Variants in RBFOX1 observed in about 807,000 individuals in gnomAD.
RBFOX1 encodes RNA binding protein fox-1 homolog 1.
In RBFOX1, 8 loss-of-function variants were observed where a neutral mutation model predicts 57.7. That is an observed-to-expected ratio of 0.14 (90% CI 0.08 to 0.25). The LOEUF is 0.25. Ranked by LOEUF, RBFOX1 falls within the 10% of genes least tolerant of loss-of-function variation. The pLI is 1.00. For synonymous variants in RBFOX1, 326 were observed against 222.4 expected (o/e 1.47, Z -4.15); for missense variants, 611 against 548.5 (o/e 1.11, Z -1.14).
At chr16:5,735,659 G>T (rs1036115605) in intron 3 of RBFOX1, among the ~76,000 whole-genome samples, 2 of 152,128 alleles carry the variant, frequency 1.3e-5, no homozygotes, top group Non-Finnish European at 2.9e-5. Flanking sequence ...CGCTTTGGGA[G>T]GCCAAAGTGG....
At position 5,412,648 on chromosome 16, in the gene RBFOX1, G is replaced by A. The variant is rs570248013; in HGVS notation, c.220-54568G>A. ...AACTCACATCGAGTCCTTATTGTGCGCTGGTTCTTGCTAAGGGCTTTGCAG... is the reference window on the plus strand; with the variant it reads ...AACTCACATCGAGTCCTTATTGTGCACTGGTTCTTGCTAAGGGCTTTGCAG... On this transcript the variant is annotated intron_variant, in intron 1 of 2. Transcript: ENST00000585867. Among the ~76,000 whole-genome samples, 8 of 152,276 alleles carry A rather than the reference G, an allele frequency of 5.3e-5. No individual in the cohort carries two copies. The East Asian group carries it at 5.8e-4, about 11-fold the overall frequency.
chr16:7,142,709 T>A (rs1392069916), intron 4 of RBFOX1, among the ~76,000 whole-genome samples: 2 of 152,324 alleles, frequency 1.3e-5, no homozygotes, highest in East Asian at 3.9e-4. Flanking sequence ...TGTCTCCCTC[T>A]CTAAGGTCAC....
intron 3 of RBFOX1, among the ~76,000 whole-genome samples, chr16:6,917,153 C>A (rs547468031): frequency 6.6e-6 from 1 of 152,212 alleles, no homozygotes; most frequent in East Asian, 1.9e-4. Context: ...ACCCAGCCTG[C>A]AAATGATTTT....
intron 1 of RBFOX1, among the ~76,000 whole-genome samples, chr16:5,380,129 G>C (rs117206439): frequency 1.3e-5 from 2 of 152,120 alleles, no homozygotes; most frequent in African/African-American, 2.4e-5. Context: ...CCAGATTGTC[G>C]TCATCCTTCC....
At chr16:6,695,547 C>T (rs1046601342) in intron 3 of RBFOX1, among the ~76,000 whole-genome samples, 4 of 151,532 alleles carry the variant, frequency 2.6e-5, no homozygotes, top group Non-Finnish European at 5.9e-5. Flanking sequence ...AAGTGGCCGA[C>T]GCGCCTATTA....
chr16:6,888,872 C>T (rs1381884718), intron 3 of RBFOX1, among the ~76,000 whole-genome samples: 1 of 152,120 alleles, frequency 6.6e-6, no homozygotes, highest in East Asian at 1.9e-4. Context: ...TTTATCCCCT[C>T]CTCCCCAAAA....
chr16:6,917,035 G>C (rs906915320), intron 3 of RBFOX1, among the ~76,000 whole-genome samples: 3 of 152,038 alleles, frequency 2.0e-5, no homozygotes, highest in East Asian at 1.9e-4. Context: ...TTTTAGTAGA[G>C]ATGGGTTTCA....
intron 3 of RBFOX1, among the ~76,000 whole-genome samples, chr16:5,686,633 T>C (rs976457466): frequency 2.0e-5 from 3 of 152,176 alleles, no homozygotes; most frequent in Non-Finnish European, 4.4e-5. Flanking sequence ...GCCATATGAA[T>C]TGATTTCTCT....
chr16:5,966,210 T>C (rs570597951), intron 4 of RBFOX1, among the ~76,000 whole-genome samples: 2 of 152,222 alleles, frequency 1.3e-5, no homozygotes, highest in South Asian at 2.1e-4. Context: ...CATATAGAAA[T>C]AGAACGTGAC....
At chr16:7,327,728 G>A (rs1364392186) in intron 4 of RBFOX1, among the ~76,000 whole-genome samples, 2 of 152,106 alleles carry the variant, frequency 1.3e-5, no homozygotes, top group Non-Finnish European at 2.9e-5. Flanking sequence ...AAGAAATGTG[G>A]CTCAACATGC....
At chr16:5,310,201 C>A (rs2064047861) in intron 1 of RBFOX1, among the ~76,000 whole-genome samples, 1 of 152,024 alleles carries the variant, frequency 6.6e-6, no homozygotes. Flanking sequence ...GAGTTTGAGA[C>A]CAGCTGCCTG....
At chr16:6,673,452 G>A (rs1019925182) in intron 3 of RBFOX1, among the ~76,000 whole-genome samples, 1 of 152,128 alleles carries the variant, frequency 6.6e-6, no homozygotes, top group African/African-American at 2.4e-5. Context: ...GTCGGGCCTG[G>A]TGGTGCATGC....
intron 2 of RBFOX1, among the ~76,000 whole-genome samples, chr16:5,550,461 C>G (rs1255501760): frequency 6.6e-6 from 1 of 152,052 alleles, no homozygotes; most frequent in Non-Finnish European, 1.5e-5. Flanking sequence ...CTGAGGCTGC[C>G]CAGGGGGGCA....
intron 1 of RBFOX1, among the ~76,000 whole-genome samples, chr16:6,073,081 T>A (rs62017379): frequency 4.6e-5 from 7 of 152,204 alleles, no homozygotes; most frequent in Non-Finnish European, 8.8e-5. Context: ...GAGTCAGAAT[T>A]TGCATCTAAT....
intron 4 of RBFOX1, among the ~76,000 whole-genome samples, chr16:7,279,479 G>A (rs1025896334): frequency 6.6e-6 from 1 of 152,196 alleles, no homozygotes; most frequent in Non-Finnish European, 1.5e-5. Context: ...AGGCCTGAGC[G>A]CAGCGTCCAG....
intron 1 of RBFOX1, among the ~76,000 whole-genome samples, chr16:6,167,142 GT>G (rs1456191327): frequency 2.0e-5 from 3 of 152,214 alleles, no homozygotes; most frequent in African/African-American, 7.2e-5. Context: ...TAGTGGCGTT[GT>G]GTTGCTAAAA....
At chr16:5,579,524 G>A (rs957585839) in intron 2 of RBFOX1, among the ~76,000 whole-genome samples, 1 of 151,996 alleles carries the variant, frequency 6.6e-6, no homozygotes, top group Non-Finnish European at 1.5e-5. Flanking sequence ...TGCTCACAGC[G>A]TGGCCTTTAA....
intron 4 of RBFOX1, among the ~76,000 whole-genome samples, chr16:7,451,489 G>A (rs762225643): frequency 8.5e-5 from 13 of 152,132 alleles, no homozygotes; most frequent in African/African-American, 1.2e-4. Flanking sequence ...CAAGCCCACT[G>A]CAAATGGCAA....
At chr16:6,555,731 AAAG>A (rs771676687) in intron 2 of RBFOX1, among the ~76,000 whole-genome samples, 1 of 152,050 alleles carries the variant, frequency 6.6e-6, no homozygotes, top group Non-Finnish European at 1.5e-5. Flanking sequence ...AACAAACAAA[AAAG>A]ATATCATTCC....
Sources: gnomAD v4.1 joint callset for allele counts (sites outside exome capture counted in the v4.1 genomes callset) on GRCh38, gnomAD v4.1.1 for gene constraint, MANE v1.5 for transcripts, NCBI Gene and HGNC (gene_info 2026-07-23, HGNC 2026-07-21) for gene names.